The following NSMCE4A variants were observed in gnomAD, a reference collection of about 807,000 sequenced individuals.
NSMCE4A encodes the protein NSE4A component of SMC5/6 complex, also known as non-structural maintenance of chromosomes element 4 homolog A.
NSMCE4A carries 40 observed loss-of-function variants against 47.9 expected under a neutral mutation model. The observed-to-expected ratio is 0.83, with a 90% CI of 0.65 to 1.09. The LOEUF (loss-of-function observed/expected upper bound fraction) is 1.09, where lower values mean the gene tolerates loss of function less well. NSMCE4A is among the 50% of genes least tolerant of loss of function. The pLI, the probability that NSMCE4A is intolerant of heterozygous loss-of-function variation, is 0.00. For missense variants in NSMCE4A, 500 were observed against 507.0 expected (o/e 0.99, Z 0.13); for synonymous variants, 166 against 178.5 (o/e 0.93, Z 0.56).
Position 121,967,724 on chromosome 10 carries a change from T to C in NSMCE4A, c.584A>G (p.Tyr195Cys), listed in dbSNP as rs763696885. Residue 195 changes from tyrosine to cysteine, a missense_variant, in exon 4 of 11, where the codon TAT (tyrosine) becomes TGT (cysteine). Physicochemically the swap from Tyr to Cys is radical, Grantham distance 194. Coordinates refer to ENST00000369023, the MANE Select transcript of NSMCE4A (RefSeq NM_017615.3). ...EDSPDFEFIV[Y>C]DSWKITGRTA... ...TCTGCCTGTTATCTTCCAGGAGTCA[T>C]AGACTATGAATTCAAAATCAGGACT... 4 of 1,614,180 alleles carry C rather than the reference T, an allele frequency of 2.5e-6. No individual in the cohort carries two copies. The highest frequency in any genetic ancestry group is 2.5e-6 in the Non-Finnish European group (3 of 1,180,008).
rs1230695335 is a variant in NSMCE4A at position 121,974,507 on chromosome 10, A to AGCTGCC, written c.292+361_292+366dup. The AGCTGCC allele has an allele frequency of 1.2e-5, 11 of 901,114 alleles. No homozygotes were observed. In the South Asian group the frequency reaches 3.4e-4, roughly 28 times the overall value. The allele number at this position is 901,114 out of a possible 1,614,324, so 55.8% of individuals were successfully genotyped here. ...AGCTCTCGCGTGCCGCTGCAGCTGC[A>AGCTGCC]GCTGCCGCTGCGAGGCCGGGAGCCC... On this transcript the variant is annotated intron_variant, in intron 1 of 10. Coordinates refer to ENST00000369023, the MANE Select transcript of NSMCE4A (RefSeq NM_017615.3).
At chr10:121,967,439 C>A in intron 4 of NSMCE4A, 1 of 514,016 alleles carries the variant, frequency 1.9e-6, no homozygotes, top group Non-Finnish European at 3.4e-6. Context: ...CTCAGATGAT[C>A]TACCTGCATC....
chr10:121,972,095 C>A (rs1209930152), intron 2 of NSMCE4A, among the ~76,000 whole-genome samples: 1 of 152,200 alleles, frequency 6.6e-6, no homozygotes, highest in Non-Finnish European at 1.5e-5. Context: ...CCGAGGCAGG[C>A]GGATCACTTT....
At chr10:121,969,269 A>T (rs1952661423) in intron 3 of NSMCE4A, among the ~76,000 whole-genome samples, 1 of 152,128 alleles carries the variant, frequency 6.6e-6, no homozygotes, top group Non-Finnish European at 1.5e-5. Flanking sequence ...CAGGAGGTGG[A>T]GGTTGCGGTG....
intron 4 of NSMCE4A, chr10:121,966,844 A>C (rs1043892627): frequency 6.6e-6 from 1 of 152,238 alleles, no homozygotes; most frequent in Non-Finnish European, 1.5e-5. Context: ...CAGGAAGTTA[A>C]GACAGAAGCC....
intron 2 of NSMCE4A, 101 bp from the exon 3 acceptor site, chr10:121,971,170 T>TAAA (rs58195348): frequency 0.014 from 9,712 of 670,280 alleles, 2 homozygotes; most frequent in Non-Finnish European, 0.017. Flanking sequence ...CCCACTGGAC[T>TAAA]AAAAAAAAAA....
intron 8 of NSMCE4A, chr10:121,959,889 G>T: frequency 2.4e-6 from 1 of 415,782 alleles, no homozygotes. Flanking sequence ...AGTCCAATAG[G>T]ACATTGAGAA....
At position 121,960,753 on chromosome 10, in the gene NSMCE4A, A is replaced by G. The variant is rs1952482583; in HGVS notation, c.940-347T>C. 6.6e-6 allele frequency among the ~76,000 whole-genome samples: 1 copy of G among 152,162 alleles called. No homozygotes were observed. ...ACCACTGGCAAAATATGCCTTTGTT[A>G]TTATTTCTGAGAAAATACGTTGGTA... On this transcript the variant is annotated intron_variant, in intron 7 of 10. Transcript: ENST00000369023. The surrounding 1 kb of genome is among the most constrained non-coding windows in gnomAD (Gnocchi z 4.2).
intron 3 of NSMCE4A, among the ~76,000 whole-genome samples, chr10:121,968,243 G>A (rs1952643416): frequency 6.6e-6 from 1 of 152,154 alleles, no homozygotes; most frequent in African/African-American, 2.4e-5. Context: ...AGCTCAAAAT[G>A]CCAATCCATA....
chr10:121,967,556 C>T (rs1952629636), intron 4 of NSMCE4A, 99 bp downstream of exon 4: 5 of 1,278,018 alleles, frequency 3.9e-6, no homozygotes, highest in Non-Finnish European at 5.4e-6. Context: ...GGCATCATGA[C>T]TGTCACCTCT....
intron 6 of NSMCE4A, chr10:121,961,738 T>G: frequency 6.9e-6 from 3 of 436,708 alleles, no homozygotes; most frequent in Non-Finnish European, 1.2e-5. Context: ...GAAATACAAG[T>G]GTAACTGCAC....
intron 4 of NSMCE4A, 92 bp from the exon 5 acceptor site, chr10:121,965,477 T>G: frequency 1.1e-6 from 1 of 897,016 alleles, no homozygotes; most frequent in Non-Finnish European, 1.8e-6. Flanking sequence ...CATGGTATAG[T>G]CAAATTCAGA....
Position 121,970,976 on chromosome 10 carries a change from A to G in NSMCE4A, c.464T>C (p.Leu155Pro), listed in dbSNP as rs761367452. 12 of 1,613,720 alleles carry G rather than the reference A, an allele frequency of 7.4e-6. No individual in the cohort carries two copies. The Admixed American group carries it at 2.0e-4, about 27-fold the overall frequency. ...KEKAKQLRSDLSSFDMLRYVE... is the reference protein window; with the variant it reads ...KEKAKQLRSDPSSFDMLRYVE... ...ATATCTTAACATGTCAAAGGAGCTC[A>G]GGTCTGAGCGCAGCTGCTTTGCTTT... is the stretch of plus-strand genomic sequence containing the variant. The change falls in exon 3 of 11, where the codon CTG becomes CCG. Residue 155 changes from leucine (L) to proline (P), a missense_variant. Transcript: ENST00000369023.
rs1253790750 is a variant in NSMCE4A, at chr10:121,963,282, ACTT to A, written c.797_799del (p.Glu266del). 30 of 1,612,202 alleles carry A rather than the reference ACTT, an allele frequency of 1.9e-5. No homozygotes were observed. The highest frequency in any genetic ancestry group is 2.5e-5 in the Non-Finnish European group (29 of 1,178,870). On this transcript the variant is annotated inframe_deletion, in exon 6 of 11. Coordinates refer to ENST00000369023, the MANE Select transcript of NSMCE4A (RefSeq NM_017615.3). ...CTGCAACAATCCCAAGATTCTTTCT[ACTT>A]CTTTCTCTGTTGCTTCTTGATGAGA...
At chr10:121,962,418 C>CA (rs781536528) in intron 6 of NSMCE4A, among the ~76,000 whole-genome samples, 8,931 of 78,244 alleles carry the variant, frequency 0.11, 318 homozygotes, top group Non-Finnish European at 0.15. Context: ...GACTCTGTCT[C>CA]AAAAAAAAAA....
chr10:121,974,323 G>C, intron 1 of NSMCE4A: 1 of 1,306,562 alleles, frequency 7.7e-7, no homozygotes, highest in Non-Finnish European at 9.8e-7. Flanking sequence ...CAAAGGGCTG[G>C]ACTCCGGCTG....
intron 1 of NSMCE4A, 55 bp downstream of exon 1, chr10:121,974,819 C>T (rs1952786758): frequency 7.9e-7 from 1 of 1,272,470 alleles, no homozygotes; most frequent in African/African-American, 1.6e-5. Context: ...GCGCCCGGCG[C>T]AGGGCGGGGA....
At position 121,960,420 on chromosome 10, in the gene NSMCE4A, A is replaced by C; in HGVS notation, c.940-14T>G. 1 of 1,505,862 alleles carries C rather than the reference A, an allele frequency of 6.6e-7. No individual in the cohort carries two copies. Among genetic ancestry groups the C allele is most frequent in the Non-Finnish European group, 8.8e-7 (1 of 1,140,242 alleles). 93.3% of individuals were successfully genotyped at this position (1,505,862 alleles called of 1,614,324 possible). A position where few individuals can be genotyped will look rare whatever the true frequency, so the allele number is the denominator to read the frequency against. ...TGCAAAACCATCCTAAAACGAAAACATGATTTTAGGAGAAGACAAACATTT... is the reference window on the plus strand; with the variant it reads ...TGCAAAACCATCCTAAAACGAAAACCTGATTTTAGGAGAAGACAAACATTT... On this transcript the variant is annotated splice_polypyrimidine_tract_variant and intron_variant, in intron 7 of 10. Transcript: ENST00000369023. This position sits in a 1 kb window ranked among gnomAD's most constrained non-coding sequence, Gnocchi z 4.2.
rs183541900 is a variant in NSMCE4A at position 121,960,953 on chromosome 10, G to A, written c.939+470C>T. Among the ~76,000 whole-genome samples, 69 of 152,154 alleles carry A rather than the reference G, an allele frequency of 4.5e-4. No homozygotes were observed. Among genetic ancestry groups the A allele is most frequent in the Admixed American group, 1.6e-3 (25 of 15,266 alleles). On this transcript the variant is annotated intron_variant, in intron 7 of 10. Transcript: ENST00000369023. This position sits in a 1 kb window ranked among gnomAD's most constrained non-coding sequence, Gnocchi z 4.2. The stretch of plus-strand genomic sequence containing the variant: ...AGGGCTATAAGACTACTATAAACAC[G>A]TGGCATATATCCTTTACCCATATTC...
Sources: gnomAD v4.1 joint callset for allele counts (sites outside exome capture counted in the v4.1 genomes callset) on GRCh38, gnomAD v4.1.1 for gene constraint, Gnocchi (gnomAD v3.1) non-coding constraint, MANE v1.5 for transcripts, NCBI Gene and HGNC (gene_info 2026-07-23, HGNC 2026-07-21) for gene names.